Variants in ZNF329 observed in about 807,000 individuals in gnomAD.
ZNF329 encodes the protein zinc finger protein 329.
In ZNF329, 15 loss-of-function variants were observed where a neutral mutation model predicts 26.6. The ratio of observed to expected loss-of-function variants is 0.56; its 90% confidence interval spans 0.38 to 0.87. ZNF329 has a LOEUF of 0.87. ZNF329 is among the 40% of genes least tolerant of loss of function. The pLI is 0.00. For synonymous variants in ZNF329, 239 were observed against 233.5 expected, an observed-to-expected ratio of 1.02 and a Z score of -0.21; for missense variants, 651 against 651.9, an observed-to-expected ratio of 1.00 and a Z score of 0.02.
chr19:58,152,640 T>A (rs1449681203), upstream of ZNF329, among the ~76,000 whole-genome samples: 1 of 151,964 alleles, frequency 6.6e-6, no homozygotes, highest in Non-Finnish European at 1.5e-5. Context: ...GGTGGATCAC[T>A]TGAGGTCAGG....
Position 58,128,613 on chromosome 19 carries a change from G to A in ZNF329, c.891C>T (p.Asn297=), listed in dbSNP as rs746896962. The A allele has an allele frequency of 3.1e-5, 50 of 1,610,236 alleles. No homozygotes were observed. Among genetic ancestry groups the A allele is most frequent in the African/African-American group, 2.7e-4 (20 of 74,744 alleles). The change falls in exon 4 of 4, where the codon AAC becomes AAT. Residue 297 remains asparagine (N), a synonymous_variant. Transcript: ENST00000598312. ...GGTGCAAAATTAAGGATGAATTTCG[G>A]TTGAAGGTTTTTCCACACTCTAGGC... The part of the protein sequence containing the change: ...YECLECGKTF[N]RNSSLILHQR...
chr19:58,138,695 C>T (rs1394570703), intron 3 of ZNF329, among the ~76,000 whole-genome samples: 1 of 152,128 alleles, frequency 6.6e-6, no homozygotes, highest in Non-Finnish European at 1.5e-5. Context: ...TGCACACGTA[C>T]AGTTAAAAGA....
intron 3 of ZNF329, among the ~76,000 whole-genome samples, chr19:58,134,988 C>G (rs1326785165): frequency 6.6e-6 from 1 of 151,928 alleles, no homozygotes; most frequent in South Asian, 2.1e-4. Context: ...GCAAAGCCAG[C>G]TAGGTTTGTA....
chr19:58,150,657 C>G (rs115043816), intron 1 of ZNF329, 95 bp downstream of exon 1: 1 of 152,936 alleles, frequency 6.5e-6, no homozygotes, highest in Non-Finnish European at 1.5e-5. Flanking sequence ...GCGCCCCTCG[C>G]CGCCCCACAA....
rs953711533 is a variant in ZNF329 at position 58,143,958 on chromosome 19, G to A, written c.-207-760C>T. Among the ~76,000 whole-genome samples the A allele has an allele frequency of 7.9e-5, 12 of 151,732 alleles. 1 individual carries two copies. The highest frequency in any genetic ancestry group is 2.9e-4 in the African/African-American group (12 of 41,318). On this transcript the variant is annotated intron_variant, in intron 1 of 3. Coordinates refer to ENST00000598312, the MANE Select transcript of ZNF329 (RefSeq NM_024620.4). ...TAGCCAGGCGTGGTGGCAGGCGCCCGTAATCTCAGCTACTCGGGAGGCTGA... is the reference window on the plus strand; with the variant it reads ...TAGCCAGGCGTGGTGGCAGGCGCCCATAATCTCAGCTACTCGGGAGGCTGA...
chr19:58,144,352 ATATCTATCTATC>A lies in ZNF329; in HGVS notation c.-207-1166_-207-1155del, dbSNP rs112779820. Among the ~76,000 whole-genome samples the A allele has an allele frequency of 7.8e-4, 103 of 132,454 alleles. 1 individual carries two copies. The highest frequency in any genetic ancestry group is 7.1e-3 in the Admixed American group (89 of 12,586). 86.9% of individuals were successfully genotyped at this position (132,454 alleles called of 152,430 possible). A position where few individuals can be genotyped will look rare whatever the true frequency, so the allele number is the denominator to read the frequency against. On this transcript the variant is annotated intron_variant, in intron 1 of 3. Coordinates refer to ENST00000598312, the MANE Select transcript of ZNF329 (RefSeq NM_024620.4). ...ACCACACGCAGCTAATTTTACATCTATATCTATCTATCTATCTATCTATCTATCTATATATAT... is the reference window on the plus strand; with the variant it reads ...ACCACACGCAGCTAATTTTACATCTATATCTATCTATCTATCTATATATAT...
At position 58,126,382 on chromosome 19, in the gene ZNF329, A is replaced by ACATC. The variant is rs1316734751; in HGVS notation, c.*1492_*1495dup. On this transcript the variant is annotated 3_prime_UTR_variant, in exon 4 of 4. Transcript: ENST00000598312. ...TTTCTCCATCATCCACTTTCAACATACATCCATATGTGCACATATTTTTAC... is the reference window on the plus strand; with the variant it reads ...TTTCTCCATCATCCACTTTCAACATACATCCATCCATATGTGCACATATTTTTAC... 1 of 152,192 alleles carries ACATC rather than the reference A, an allele frequency of 6.6e-6. No homozygotes were observed. The highest frequency in any genetic ancestry group is 1.9e-4 in the East Asian group (1 of 5,196). The allele number at this position is 152,192 out of a possible 1,614,324, so 9.4% of individuals were successfully genotyped here.
Position 58,128,054 on chromosome 19 carries a change from G to A in ZNF329, c.1450C>T (p.Gln484Ter), listed in dbSNP as rs2146046338. The A allele has an allele frequency of 6.2e-7, 1 of 1,613,550 alleles. No homozygotes were observed. ...QRIHTKETPY[Q>*]CPECGKSFKQ... is the part of the protein sequence containing the mutation. Reference sequence around the variant, plus strand: ...AAGGACTTCCCACATTCTGGACACTGATATGGGGTCTCCTTAGTGTGAATT... The same window carrying A: ...AAGGACTTCCCACATTCTGGACACTAATATGGGGTCTCCTTAGTGTGAATT... Residue 484 changes from glutamine to a stop codon, truncating the protein, a stop_gained, in exon 4 of 4, where the codon CAG (glutamine) becomes TAG (stop). Coordinates refer to ENST00000598312, the MANE Select transcript of ZNF329 (RefSeq NM_024620.4). LOFTEE classifies it high-confidence loss of function.
upstream of ZNF329, among the ~76,000 whole-genome samples, chr19:58,151,126 C>T (rs1380480271): frequency 6.6e-6 from 1 of 152,222 alleles, no homozygotes; most frequent in Middle Eastern, 3.2e-3. Context: ...GTGCGTGGCT[C>T]ACGCCTGTAA....
intron 1 of ZNF329, among the ~76,000 whole-genome samples, chr19:58,146,078 AGGATCCTGGATT>A (rs2075303200): frequency 1.3e-5 from 2 of 152,176 alleles, no homozygotes; most frequent in Non-Finnish European, 2.9e-5. Flanking sequence ...AATGTAACAC[AGGATCCTGGATT>A]GGATCCTGGA....
rs572597615 is a variant in ZNF329, at chr19:58,143,595, CCAAA to C, written c.-207-401_-207-398del. ...GTGAAGGTACAGGAAGGACAGAGCC[CCAAA>C]CAGACTTGGAGGCATTTAATAATTT... is the stretch of plus-strand genomic sequence containing the variant. On this transcript the variant is annotated intron_variant, in intron 1 of 3. Transcript: ENST00000598312. 1.4e-4 allele frequency among the ~76,000 whole-genome samples: 21 copies of C among 152,108 alleles called. No individual in the cohort carries two copies. The South Asian group carries it at 4.4e-3, about 32-fold the overall frequency.
intron 3 of ZNF329, among the ~76,000 whole-genome samples, chr19:58,141,564 C>T (rs112500696): frequency 0.015 from 2,342 of 152,044 alleles, 49 homozygotes; most frequent in African/African-American, 0.052. Context: ...CAAAGTGCTG[C>T]GATTACAGGC....
At chr19:58,154,584 T>C (rs922981339), upstream of ZNF329, among the ~76,000 whole-genome samples, 6 of 152,164 alleles carry the variant, frequency 3.9e-5, no homozygotes, top group Admixed American at 2.0e-4. Context: ...AGGGCTCACA[T>C]TCCACAACTA....
At chr19:58,132,662 A>G in intron 3 of ZNF329, 1 of 149,178 alleles carries the variant, frequency 6.7e-6, no homozygotes. Flanking sequence ...CCTGGGGGAC[A>G]GAGCGAGACT....
upstream of ZNF329, among the ~76,000 whole-genome samples, chr19:58,153,263 C>T (rs2092529961): frequency 6.6e-6 from 1 of 152,164 alleles, no homozygotes; most frequent in Non-Finnish European, 1.5e-5. Flanking sequence ...GCGCACACCA[C>T]CACACCCGGC....
At chr19:58,139,309 A>G (rs2075135909) in intron 3 of ZNF329, among the ~76,000 whole-genome samples, 2 of 152,216 alleles carry the variant, frequency 1.3e-5, no homozygotes, top group South Asian at 2.1e-4. Context: ...TTACATTTCA[A>G]TAATAAAAAG....
At chr19:58,141,709 C>A (rs1268014271) in intron 3 of ZNF329, among the ~76,000 whole-genome samples, 1 of 151,948 alleles carries the variant, frequency 6.6e-6, no homozygotes, top group East Asian at 2.0e-4. Context: ...CTGGGTAACA[C>A]GGTGAAACCC....
At chr19:58,154,680 G>A (rs1435492274), upstream of ZNF329, 1 of 148,056 alleles carries the variant, frequency 6.8e-6, no homozygotes, top group South Asian at 2.1e-4. Flanking sequence ...TGGGGGTGAG[G>A]GGGACTCGCA....
chr19:58,142,518 G>C (rs1037405373), intron 3 of ZNF329, 39 bp downstream of exon 3: 1 of 152,624 alleles, frequency 6.6e-6, no homozygotes, highest in African/African-American at 2.4e-5. Flanking sequence ...TTGCAGGGAT[G>C]TGCTGAGCTC....
Sources: gnomAD v4.1 joint callset for allele counts (sites outside exome capture counted in the v4.1 genomes callset) on GRCh38, gnomAD v4.1.1 for gene constraint, MANE v1.5 for transcripts, NCBI Gene and HGNC (gene_info 2026-07-23, HGNC 2026-07-21) for gene names.